Variants in UGP2 observed in about 807,000 individuals in gnomAD.
The protein encoded by UGP2 is UTP--glucose-1-phosphate uridylyltransferase.
In UGP2, 40 loss-of-function variants were observed where a neutral mutation model predicts 49.0. That is an observed-to-expected ratio of 0.82 (90% CI 0.63 to 1.06). The LOEUF is 1.06. UGP2 is among the 50% of genes least tolerant of loss of function. The probability of loss-of-function intolerance (pLI) is 0.00; values close to 1 mark genes in which losing one functional copy is unlikely to be tolerated. For missense variants in UGP2, 460 were observed against 603.5 expected (o/e 0.76, Z 2.49); for synonymous variants, 225 against 213.0 (o/e 1.06, Z -0.49).
At chr2:63,889,828 A>G in intron 8 of UGP2, 2 of 310,710 alleles carry the variant, frequency 6.4e-6, no homozygotes, top group East Asian at 6.2e-5. Flanking sequence ...AAAAAAAAAA[A>G]GAAAAAAAAC....
At chr2:63,850,765 A>G (rs1668996368) in intron 1 of UGP2, among the ~76,000 whole-genome samples, 1 of 151,974 alleles carries the variant, frequency 6.6e-6, no homozygotes. Flanking sequence ...ACTTATCTTA[A>G]CTCTGCCTTT....
At position 63,885,719 on chromosome 2, in the gene UGP2, C is replaced by T. The variant is rs1216324642; in HGVS notation, c.706C>T (p.Leu236Phe). 2 of 1,613,900 alleles carry T rather than the reference C, an allele frequency of 1.2e-6. No individual in the cohort carries two copies. The highest frequency in any genetic ancestry group is 1.7e-6 in the Non-Finnish European group (2 of 1,179,932). ...CGCCAGTTTCTACAACTCTGGATTG[C>T]TTGATACCTTTATAGGAGAAGGCAA... ...IYASFYNSGL[L>F]DTFIGEGKEY... The change falls in exon 6 of 10, where the codon CTT becomes TTT. Residue 236 changes from leucine (L) to phenylalanine (F), a missense_variant. By Grantham distance (22) the Leu-to-Phe change is conservative. Transcript: ENST00000337130.
chr2:63,841,846 T>A (rs1356247895), upstream of UGP2: 3 of 234,792 alleles, frequency 1.3e-5, no homozygotes, highest in African/African-American at 2.3e-5. Context: ...CCGCTGTAGG[T>A]CCGCCTCTTT....
chr2:63,885,160 G>A (rs980082797), intron 5 of UGP2, among the ~76,000 whole-genome samples: 11 of 151,560 alleles, frequency 7.3e-5, no homozygotes, highest in Admixed American at 7.2e-4. Context: ...CTAACCTGGT[G>A]CTTATTTTCT....
intron 1 of UGP2, among the ~76,000 whole-genome samples, chr2:63,853,657 C>T (rs1669186107): frequency 6.6e-6 from 1 of 152,046 alleles, no homozygotes; most frequent in Admixed American, 6.6e-5. Context: ...TTTGTTTGCG[C>T]CAGTGTCAGG....
At chr2:63,848,939 A>C (rs1041232867) in intron 1 of UGP2, among the ~76,000 whole-genome samples, 1 of 152,246 alleles carries the variant, frequency 6.6e-6, no homozygotes, top group Non-Finnish European at 1.5e-5. Context: ...TATTTTTCTC[A>C]GTCATTAACA....
chr2:63,886,880 A>T (rs938754902), intron 7 of UGP2, among the ~76,000 whole-genome samples: 7 of 152,226 alleles, frequency 4.6e-5, no homozygotes, highest in Admixed American at 3.3e-4. Context: ...GTTTATCATG[A>T]AATGATATTA....
chr2:63,854,554 CCCTGCTCTGTGCCT>C (rs55680548), intron 1 of UGP2, among the ~76,000 whole-genome samples: 97,032 of 151,922 alleles, frequency 0.64, 32,074 homozygotes, highest in East Asian at 0.84. Flanking sequence ...GGAAATGGTT[CCCTGCTCTGTGCCT>C]CCTGGTCTGT....
At chr2:63,872,328 T>G (rs1670612874) in intron 3 of UGP2, among the ~76,000 whole-genome samples, 1 of 152,250 alleles carries the variant, frequency 6.6e-6, no homozygotes, top group Non-Finnish European at 1.5e-5. Flanking sequence ...GGTTATATGG[T>G]GGATCCTGCT....
At position 63,882,500 on chromosome 2, in the gene UGP2, T is replaced by C. The variant is rs750024855; in HGVS notation, c.290T>C (p.Leu97Ser). Residue 97 changes from leucine (L) to serine (S), a missense_variant, in exon 4 of 10, where the codon TTG (leucine) becomes TCG (serine). Physicochemically the swap from Leu to Ser is moderately radical, Grantham distance 145. This residue lies in a region of UGP2 where 143 missense variants were observed against 130.4 expected (regional missense o/e 1.10). Transcript: ENST00000337130. ...TATGAAAAGATAAAGGCCAGGGGCTTGCCTGATAATATATCTTCCGTGTTG... is the reference window on the plus strand; with the variant it reads ...TATGAAAAGATAAAGGCCAGGGGCTCGCCTGATAATATATCTTCCGTGTTG... ...QPYEKIKARG[L>S]PDNISSVLNK... 5.6e-6 allele frequency: 9 copies of C among 1,607,028 alleles called. No homozygotes were observed. In the Admixed American group the frequency reaches 1.3e-4, roughly 24 times the overall value.
intron 1 of UGP2, among the ~76,000 whole-genome samples, chr2:63,843,995 A>G (rs1310845966): frequency 6.6e-6 from 1 of 152,206 alleles, no homozygotes; most frequent in East Asian, 1.9e-4. Context: ...CCCTGGGCTC[A>G]AGCTGTCCTC....
At chr2:63,886,281 T>A in intron 6 of UGP2, 60 bp from the exon 7 acceptor site, 1 of 1,511,646 alleles carries the variant, frequency 6.6e-7, no homozygotes, top group Non-Finnish European at 9.2e-7. Context: ...TATCTTTGTA[T>A]TTACAAAAAA....
At chr2:63,860,950 C>T (rs1669798868) in intron 3 of UGP2, among the ~76,000 whole-genome samples, 1 of 151,760 alleles carries the variant, frequency 6.6e-6, no homozygotes, top group African/African-American at 2.4e-5. Flanking sequence ...TGAGGTTTTA[C>T]TCGTTCTTAC....
chr2:63,889,204 T>C (rs1438194943), intron 8 of UGP2: 1 of 152,016 alleles, frequency 6.6e-6, no homozygotes, highest in Non-Finnish European at 1.5e-5. Context: ...AAACGAGGAA[T>C]TGGAGATATG....
rs201290414 is a variant in UGP2 at position 63,875,584 on chromosome 2, CTAGA to C, written c.256-6880_256-6877del. Among the ~76,000 whole-genome samples, 492 of 152,332 alleles carry C rather than the reference CTAGA, an allele frequency of 3.2e-3. 8 individuals carry two copies. In the East Asian group the frequency reaches 0.034, roughly 11 times the overall value. On this transcript the variant is annotated intron_variant, in intron 3 of 9. Coordinates refer to ENST00000337130, the MANE Select transcript of UGP2 (RefSeq NM_006759.4). ...TCTCATTCCACTTTCTGCAGAAAAA[CTAGA>C]TTGACATCCTAGAGGGCTGAATGTT... is the stretch of plus-strand genomic sequence containing the variant.
At chr2:63,860,562 C>A (rs1292046248) in intron 3 of UGP2, among the ~76,000 whole-genome samples, 1 of 152,008 alleles carries the variant, frequency 6.6e-6, no homozygotes, top group Non-Finnish European at 1.5e-5. Context: ...ATGCCTTTGT[C>A]ATTTCAGATG....
chr2:63,887,707 A>G, intron 8 of UGP2, 63 bp downstream of exon 8: 1 of 1,576,304 alleles, frequency 6.3e-7, no homozygotes, highest in Non-Finnish European at 8.6e-7. Context: ...AAGATATGAT[A>G]TACATGTGAA....
chr2:63,874,447 A>G (rs1368721327), intron 3 of UGP2, among the ~76,000 whole-genome samples: 1 of 152,174 alleles, frequency 6.6e-6, no homozygotes, highest in Non-Finnish European at 1.5e-5. Context: ...TGCCATAGAG[A>G]CAGGAGTAAT....
At chr2:63,890,030 T>C in intron 8 of UGP2, 51 bp from the exon 9 acceptor site, 1 of 1,396,126 alleles carries the variant, frequency 7.2e-7, no homozygotes, top group Non-Finnish European at 1.0e-6. Context: ...TTTTCCTGTC[T>C]TTCTTTGAAC....
Sources: gnomAD v4.1 joint callset for allele counts (sites outside exome capture counted in the v4.1 genomes callset) on GRCh38, gnomAD v4.1.1 for gene constraint, gnomAD v4.1.1 regional missense constraint, MANE v1.5 for transcripts, NCBI Gene and HGNC (gene_info 2026-07-23, HGNC 2026-07-21) for gene names.